The following SMG6 variants were observed in gnomAD, a reference collection of about 807,000 sequenced individuals.
SMG6 encodes telomerase-binding protein EST1A.
A neutral mutation model predicts 142.2 loss-of-function variants in SMG6; 66 were observed. The ratio of observed to expected loss-of-function variants is 0.46; its 90% CI spans 0.38 to 0.57. The LOEUF is 0.57. Among genes scored for constraint, SMG6 ranks in the 20% least tolerant of loss-of-function variants. The pLI is 0.00. For synonymous variants in SMG6, 779 were observed against 702.4 expected, an observed-to-expected ratio of 1.11 and a Z score of -1.72; for missense variants, 1,793 against 1,832.0, an observed-to-expected ratio of 0.98 and a Z score of 0.39.
At chr17:2,107,789 C>G (rs912206771) in intron 13 of SMG6, among the ~76,000 whole-genome samples, 4 of 152,176 alleles carry the variant, frequency 2.6e-5, no homozygotes, top group Admixed American at 1.3e-4. Context: ...GTTCATGGGA[C>G]TGCGTGCCAG....
In SMG6 at chr17:2,061,410, G is replaced by GTGGGCATCTTCCGTGCTACAC. The variant is rs2067769855; in HGVS notation, c.*61_*81dup. 5 of 1,375,100 alleles carry GTGGGCATCTTCCGTGCTACAC rather than the reference G, an allele frequency of 3.6e-6. No individual in the cohort carries two copies. In the Admixed American group the frequency reaches 1.1e-4, roughly 29 times the overall value. 85.2% of individuals were successfully genotyped at this position (1,375,100 alleles called of 1,614,324 possible). On this transcript the variant is annotated 3_prime_UTR_variant, in exon 19 of 19. Transcript: ENST00000263073. Reference sequence around the variant, plus strand: ...CTGGGTGGATTGGTGGCTCAGGCACGTGGGCATCTTCCGTGCTACACTGGG... The same window carrying GTGGGCATCTTCCGTGCTACAC: ...CTGGGTGGATTGGTGGCTCAGGCACGTGGGCATCTTCCGTGCTACACTGGGCATCTTCCGTGCTACACTGGG...
chr17:2,207,236 G>T (rs1478816719), intron 10 of SMG6, among the ~76,000 whole-genome samples: 1 of 151,472 alleles, frequency 6.6e-6, no homozygotes. Flanking sequence ...CCGAGGCCGA[G>T]ATGGTGCCAC....
chr17:2,161,510 C>G (rs1463979550), intron 13 of SMG6, among the ~76,000 whole-genome samples: 1 of 151,660 alleles, frequency 6.6e-6, no homozygotes, highest in Non-Finnish European at 1.5e-5. Context: ...TTTCATATAC[C>G]AGTCATCATC....
rs762605087 is a variant in SMG6, at chr17:2,300,654, C to T, written c.99G>A (p.Lys33=). The T allele has an allele frequency of 6.3e-7, 1 of 1,579,124 alleles. No individual in the cohort carries two copies. Among genetic ancestry groups the T allele is most frequent in the East Asian group, 2.2e-5 (1 of 44,494 alleles). ...APQAGSRENM[K]ELKEARPRKD... is the part of the protein sequence containing the mutation. The stretch of plus-strand genomic sequence containing the variant: ...TGCGCGGCCTGGCCTCCTTTAATTC[C>T]TTCATGTTTTCTGTTATGTCGGGGA... Residue 33 remains lysine, a synonymous_variant, in exon 2 of 19, where the codon AAG becomes AAA. Coordinates refer to ENST00000263073, the MANE Select transcript of SMG6 (RefSeq NM_017575.5).
In SMG6 at chr17:2,081,911, C is replaced by T. The variant is rs376160722; in HGVS notation, c.3580G>A (p.Glu1194Lys). 27 of 1,614,210 alleles carry T rather than the reference C, an allele frequency of 1.7e-5. No individual in the cohort carries two copies. In the East Asian group the frequency reaches 2.5e-4, roughly 15 times the overall value. Reference protein sequence around the residue: ...IEDFEEDSEAEGSGGEDDIRE... With the variant: ...IEDFEEDSEAKGSGGEDDIRE... ...ATGTCATCCTCGCCTCCGCTGCCTT[C>T]AGCCTCTGAATCTTCCTCAAAGTCT... Residue 1194 changes from glutamate to lysine, a missense_variant, in exon 15 of 19, where the codon GAA becomes AAA. Glu to Lys is a moderately conservative substitution (Grantham distance 56). Coordinates refer to ENST00000263073, the MANE Select transcript of SMG6 (RefSeq NM_017575.5).
At chr17:2,246,938 ACT>A (rs2073941160) in intron 8 of SMG6, among the ~76,000 whole-genome samples, 1 of 152,142 alleles carries the variant, frequency 6.6e-6, no homozygotes, top group Admixed American at 6.6e-5. Context: ...AAAGAGCGAA[ACT>A]CTGTCTCAAA....
At chr17:2,221,022 G>T (rs1176166965) in intron 10 of SMG6, among the ~76,000 whole-genome samples, 1 of 152,164 alleles carries the variant, frequency 6.6e-6, no homozygotes, top group Non-Finnish European at 1.5e-5. Context: ...AAATAAAAAA[G>T]TATTTCTAGT....
intron 13 of SMG6, among the ~76,000 whole-genome samples, chr17:2,143,998 C>T (rs1250637478): frequency 6.6e-6 from 1 of 151,066 alleles, no homozygotes; most frequent in Middle Eastern, 3.3e-3. Flanking sequence ...AGGGATCCTC[C>T]CCACTTAGCC....
intron 16 of SMG6, among the ~76,000 whole-genome samples, chr17:2,066,372 C>CTGTGTGTGTG (rs57221830): frequency 2.5e-4 from 38 of 149,682 alleles, no homozygotes; most frequent in African/African-American, 8.9e-4. Context: ...GTATATGTCT[C>CTGTGTGTGTG]TGTGTGTGTG....
chr17:2,216,787 A>G (rs894129470), intron 10 of SMG6, among the ~76,000 whole-genome samples: 2 of 152,224 alleles, frequency 1.3e-5, no homozygotes, highest in Admixed American at 6.5e-5. Context: ...GGATTTATGC[A>G]TTTTATGAAG....
At chr17:2,102,260 T>C (rs1310213642) in intron 13 of SMG6, among the ~76,000 whole-genome samples, 1 of 152,226 alleles carries the variant, frequency 6.6e-6, no homozygotes, top group African/African-American at 2.4e-5. Flanking sequence ...ATTTTATGAA[T>C]ACAATGTATA....
At position 2,172,705 on chromosome 17, in the gene SMG6, G is replaced by A. The variant is rs2071542362; in HGVS notation, c.3310C>T (p.Leu1104=). The change falls in exon 13 of 19, where the codon CTG becomes TTG. Residue 1104 remains leucine, a synonymous_variant. Transcript: ENST00000263073. ...DRLLSGFVPL[L]AAPQDPCYVE... ...TAGCAGGGGTCCTGAGGGGCAGCCA[G>A]CAAGGGGACAAAGCCCGAGAGAAGC... 1.9e-6 allele frequency: 3 copies of A among 1,613,950 alleles called. No individual in the cohort carries two copies. Among genetic ancestry groups the A allele is most frequent in the Non-Finnish European group, 8.5e-7 (1 of 1,180,040 alleles).
At chr17:2,134,678 G>C (rs1344953840) in intron 13 of SMG6, among the ~76,000 whole-genome samples, 1 of 152,054 alleles carries the variant, frequency 6.6e-6, no homozygotes, top group African/African-American at 2.4e-5. Flanking sequence ...AATTGATCAT[G>C]TTGGAGATAA....
chr17:2,104,153 A>G (rs542953027), intron 13 of SMG6, among the ~76,000 whole-genome samples: 34 of 151,986 alleles, frequency 2.2e-4, no homozygotes, highest in South Asian at 1.0e-3. Flanking sequence ...GGGTTTCACC[A>G]TGTTAGCCAG....
intron 8 of SMG6, among the ~76,000 whole-genome samples, chr17:2,259,583 G>A (rs1434186200): frequency 1.3e-5 from 2 of 150,798 alleles, no homozygotes; most frequent in Non-Finnish European, 2.9e-5. Context: ...TGAGGTGGGA[G>A]GATCACCTGA....
intron 13 of SMG6, among the ~76,000 whole-genome samples, chr17:2,165,773 C>T (rs544890921): frequency 7.9e-5 from 12 of 152,196 alleles, no homozygotes; most frequent in Admixed American, 3.9e-4. Context: ...GGTGAGGTGA[C>T]GCTTGCCTGT....
chr17:2,154,036 T>G (rs1260574450), intron 13 of SMG6, among the ~76,000 whole-genome samples: 3 of 102,762 alleles, frequency 2.9e-5, no homozygotes, highest in African/African-American at 8.0e-5. Flanking sequence ...TGACGGTGAC[T>G]GGGGAACCTG....
chr17:2,104,762 A>C (rs1490232577), intron 13 of SMG6, among the ~76,000 whole-genome samples: 1 of 152,180 alleles, frequency 6.6e-6, no homozygotes, highest in Non-Finnish European at 1.5e-5. Flanking sequence ...AGGAAACTAA[A>C]GCTCAGAAAA....
chr17:2,088,867 A>C (rs1223847506), intron 13 of SMG6: 1 of 983,862 alleles, frequency 1.0e-6, no homozygotes, highest in Non-Finnish European at 1.2e-6. Flanking sequence ...TGGGGAGAGG[A>C]CCACCGCTCT....
Sources: gnomAD v4.1 joint callset for allele counts (sites outside exome capture counted in the v4.1 genomes callset) on GRCh38, gnomAD v4.1.1 for gene constraint, MANE v1.5 for transcripts, NCBI Gene and HGNC (gene_info 2026-07-23, HGNC 2026-07-21) for gene names.